RIMS1: variants seen among roughly 807,000 people sequenced by gnomAD.
RIMS1 encodes regulating synaptic membrane exocytosis 1.
A neutral mutation model predicts 214.1 loss-of-function variants in RIMS1; 83 were observed. The observed-to-expected ratio is 0.39, with a 90% CI of 0.32 to 0.47. RIMS1 has a LOEUF of 0.47. Among genes scored for constraint, RIMS1 ranks in the 20% least tolerant of loss-of-function variants. The pLI, the probability that RIMS1 is intolerant of heterozygous loss-of-function variation, is 0.99. For missense variants in RIMS1, 2,050 were observed against 2,161.8 expected, an observed-to-expected ratio of 0.95 and a Z score of 1.03; for synonymous variants, 793 against 786.8, an observed-to-expected ratio of 1.01 and a Z score of -0.13.
At chr6:72,005,379 T>C (rs1807099576) in intron 2 of RIMS1, among the ~76,000 whole-genome samples, 1 of 152,176 alleles carries the variant, frequency 6.6e-6, no homozygotes, top group East Asian at 1.9e-4. Flanking sequence ...CATATGAACA[T>C]TAAAGTAGTT....
At chr6:72,283,053 T>C (rs1298306088) in intron 23 of RIMS1, among the ~76,000 whole-genome samples, 1 of 152,004 alleles carries the variant, frequency 6.6e-6, no homozygotes. Flanking sequence ...TGGTATATAC[T>C]AGATACTTAA....
intron 22 of RIMS1, among the ~76,000 whole-genome samples, chr6:72,271,282 A>ATATATATATATATATAT (rs751448635): frequency 8.8e-5 from 6 of 68,338 alleles, no homozygotes; most frequent in South Asian, 4.8e-4. Context: ...AAAAAAAAAA[A>ATATATATATATATATAT]AAAAATATAT....
intron 19 of RIMS1, chr6:72,262,205 G>A (rs2154166039): frequency 1.2e-6 from 1 of 839,396 alleles, no homozygotes; most frequent in East Asian, 1.2e-4. Flanking sequence ...TTTTGTACTT[G>A]TAAAATATTA....
At chr6:72,231,764 C>T (rs1971561) in intron 6 of RIMS1, among the ~76,000 whole-genome samples, 30,852 of 151,584 alleles carry the variant, frequency 0.2, 3,973 homozygotes, top group Non-Finnish European at 0.28. Context: ...TACCCAGAAA[C>T]ATCAGCTTTT....
intron 2 of RIMS1, among the ~76,000 whole-genome samples, chr6:71,998,667 A>G (rs1324035802): frequency 3.9e-5 from 6 of 152,184 alleles, no homozygotes; most frequent in East Asian, 1.9e-4. Flanking sequence ...CTGCATGCCG[A>G]TAGTTTTTAG....
intron 4 of RIMS1, chr6:72,148,748 C>T: frequency 2.3e-6 from 1 of 426,742 alleles, no homozygotes; most frequent in Non-Finnish European, 4.6e-6. Flanking sequence ...CAATCGAAAG[C>T]TCAGGATTGA....
chr6:71,992,733 C>A (rs1802253382), intron 2 of RIMS1, among the ~76,000 whole-genome samples: 1 of 151,876 alleles, frequency 6.6e-6, no homozygotes, highest in East Asian at 1.9e-4. Flanking sequence ...GCTCATGGCT[C>A]ACTGCAGCTT....
chr6:72,353,221 G>T (rs1369567553), intron 29 of RIMS1, among the ~76,000 whole-genome samples: 1 of 151,992 alleles, frequency 6.6e-6, no homozygotes, highest in Admixed American at 6.6e-5. Context: ...CTGACCTCGG[G>T]TGATCCACCA....
chr6:72,129,757 T>A (rs1358111351), intron 4 of RIMS1, among the ~76,000 whole-genome samples: 1 of 152,082 alleles, frequency 6.6e-6, no homozygotes, highest in Non-Finnish European at 1.5e-5. Context: ...AGTTCAGCTT[T>A]GTTGGCTTGT....
At chr6:72,336,523 A>C (rs2096850379) in intron 29 of RIMS1, among the ~76,000 whole-genome samples, 2 of 151,826 alleles carry the variant, frequency 1.3e-5, no homozygotes, top group South Asian at 4.1e-4. Flanking sequence ...AAATGGGATT[A>C]TGAAGCCAAG....
In RIMS1 at chr6:72,295,572, C is replaced by CA. The variant is rs200507282; in HGVS notation, c.3850+3534dup. On this transcript the variant is annotated intron_variant, in intron 26 of 33. Coordinates refer to ENST00000521978, the MANE Select transcript of RIMS1 (RefSeq NM_014989.7). ...TTAAGTATGCTTTTAAATGCTTTTC[C>CA]AAAAAAAATCACAATGGATTCAAGT... 7.9e-3 allele frequency among the ~76,000 whole-genome samples: 1,190 copies of CA among 150,072 alleles called. 19 individuals are homozygous for CA. Among genetic ancestry groups the CA allele is most frequent in the African/African-American group, 0.026 (1,067 of 41,084 alleles).
intron 6 of RIMS1, among the ~76,000 whole-genome samples, chr6:72,209,918 A>G (rs1433618434): frequency 6.6e-6 from 1 of 151,190 alleles, no homozygotes; most frequent in African/African-American, 2.4e-5. Flanking sequence ...AAAAAAAAAA[A>G]AAAAAAGGGA....
intron 2 of RIMS1, among the ~76,000 whole-genome samples, chr6:72,037,161 A>G (rs1417263966): frequency 1.3e-5 from 2 of 152,000 alleles, no homozygotes; most frequent in African/African-American, 2.4e-5. Context: ...GGTGGCAGGC[A>G]GCATTCTATT....
At chr6:72,173,840 T>G (rs1472476921) in intron 4 of RIMS1, among the ~76,000 whole-genome samples, 1 of 152,008 alleles carries the variant, frequency 6.6e-6, no homozygotes, top group Non-Finnish European at 1.5e-5. Context: ...ATGTGGGAGG[T>G]GTTTTTAAGT....
intron 2 of RIMS1, among the ~76,000 whole-genome samples, chr6:71,980,215 A>T (rs1181856584): frequency 2.6e-5 from 4 of 152,108 alleles, no homozygotes; most frequent in Non-Finnish European, 4.4e-5. Context: ...ACTGGTGGCA[A>T]CTGAGATCGG....
intron 2 of RIMS1, 111 bp downstream of exon 2, chr6:71,969,174 A>G: frequency 1.9e-6 from 2 of 1,027,502 alleles, no homozygotes; most frequent in South Asian, 2.6e-5. Flanking sequence ...GCTCTTGTAT[A>G]TGTAACAAAA....
At chr6:72,180,219 C>T (rs2048225092) in intron 5 of RIMS1, among the ~76,000 whole-genome samples, 2 of 152,176 alleles carry the variant, frequency 1.3e-5, no homozygotes, top group African/African-American at 4.8e-5. Context: ...ACTTATAAAC[C>T]TAGCCCTTTA....
rs775761283 is a variant in RIMS1, at chr6:72,284,097, G to C, written c.3533G>C (p.Gly1178Ala). The C allele has an allele frequency of 1.1e-5, 17 of 1,612,988 alleles. No individual in the cohort carries two copies. The Admixed American group carries it at 2.0e-4, about 19-fold the overall frequency. ...AGCATCCAAAAACAGACTAGGAAAG[G>C]CACTGCCTCTGATGCAGAAAGGTAG... is the stretch of plus-strand genomic sequence containing the variant. Reference protein sequence around the residue: ...RSSIQKQTRKGTASDAERVLP... With the variant: ...RSSIQKQTRKATASDAERVLP... The change falls in exon 24 of 34, where the codon GGC becomes GCC. Residue 1178 changes from glycine to alanine, a missense_variant. Gly to Ala is a moderately conservative substitution (Grantham distance 60). Transcript: ENST00000521978.
At chr6:71,987,853 G>T (rs1441509843) in intron 2 of RIMS1, among the ~76,000 whole-genome samples, 2 of 152,134 alleles carry the variant, frequency 1.3e-5, no homozygotes, top group African/African-American at 4.8e-5. Flanking sequence ...GTCATTGATT[G>T]TGTCCTTAGA....
Sources: allele counts gnomAD v4.1 joint callset (sites outside exome capture counted in the v4.1 genomes callset), GRCh38; gene constraint gnomAD v4.1.1; transcripts MANE v1.5; gene names NCBI Gene and HGNC (gene_info 2026-07-23, HGNC 2026-07-21).